Variants in EYA4 observed in about 807,000 individuals in gnomAD.
EYA4 encodes the protein EYA transcriptional coactivator and phosphatase 4.
A neutral mutation model predicts 87.9 loss-of-function variants in EYA4; 31 were observed. The ratio of observed to expected loss-of-function variants is 0.35; its 90% CI spans 0.27 to 0.48. The LOEUF is 0.48. Ranked by LOEUF, EYA4 falls within the 20% of genes least tolerant of loss-of-function variation. The pLI is 0.99. For synonymous variants in EYA4, 263 were observed against 270.6 expected, an observed-to-expected ratio of 0.97 and a Z score of 0.28; for missense variants, 678 against 761.4, an observed-to-expected ratio of 0.89 and a Z score of 1.29.
At chr6:133,525,599 C>A (rs1800573461) in intron 19 of EYA4, among the ~76,000 whole-genome samples, 1 of 151,950 alleles carries the variant, frequency 6.6e-6, no homozygotes, top group South Asian at 2.1e-4. Flanking sequence ...ATACAATGTG[C>A]ACAGATATAG....
intron 2 of EYA4, among the ~76,000 whole-genome samples, chr6:133,310,751 A>T (rs1780151826): frequency 6.6e-6 from 1 of 152,224 alleles, no homozygotes; most frequent in Non-Finnish European, 1.5e-5. Context: ...GAGTTATATG[A>T]TTTAGATGCC....
chr6:133,255,208 T>C (rs1002922577), intron 1 of EYA4, among the ~76,000 whole-genome samples: 10 of 152,194 alleles, frequency 6.6e-5, no homozygotes, highest in Admixed American at 6.5e-4. Context: ...GTATTTGATA[T>C]TCAGAGAAGG....
At chr6:133,496,118 G>T (rs1208044654) in intron 13 of EYA4, among the ~76,000 whole-genome samples, 1 of 152,070 alleles carries the variant, frequency 6.6e-6, no homozygotes, top group East Asian at 1.9e-4. Context: ...ACTGAAATAA[G>T]GTTATTCTGA....
At chr6:133,425,161 A>G (rs914492950) in intron 3 of EYA4, among the ~76,000 whole-genome samples, 25 of 150,672 alleles carry the variant, frequency 1.7e-4, no homozygotes, top group African/African-American at 5.2e-4. Context: ...TTAATCTTTC[A>G]CAGAAGAATA....
At chr6:133,523,763 C>T (rs1354644426) in intron 18 of EYA4, among the ~76,000 whole-genome samples, 1 of 152,044 alleles carries the variant, frequency 6.6e-6, no homozygotes, top group Non-Finnish European at 1.5e-5. Context: ...GTGCATTTCT[C>T]GCAGACTCCA....
intron 7 of EYA4, among the ~76,000 whole-genome samples, chr6:133,461,463 A>G (rs1794376968): frequency 6.6e-6 from 1 of 152,198 alleles, no homozygotes; most frequent in African/African-American, 2.4e-5. Flanking sequence ...CTAAATGTCA[A>G]CACTTCATAA....
At chr6:133,316,737 A>G (rs998463153) in intron 2 of EYA4, among the ~76,000 whole-genome samples, 1 of 152,126 alleles carries the variant, frequency 6.6e-6, no homozygotes, top group Non-Finnish European at 1.5e-5. Flanking sequence ...TCCTCTGAAA[A>G]CACGATTTTG....
At chr6:133,343,512 G>GATA (rs1458290813) in intron 2 of EYA4, among the ~76,000 whole-genome samples, 1 of 151,408 alleles carries the variant, frequency 6.6e-6, no homozygotes, top group African/African-American at 2.4e-5. Context: ...TTCCCTAGCA[G>GATA]ATAGCCTCCC....
chr6:133,405,625 G>A (rs549172780), intron 3 of EYA4, among the ~76,000 whole-genome samples: 1 of 152,214 alleles, frequency 6.6e-6, no homozygotes, highest in South Asian at 2.1e-4. Flanking sequence ...ACAATTTTAG[G>A]TGGGGCTACA....
intron 3 of EYA4, among the ~76,000 whole-genome samples, chr6:133,412,124 A>G (rs543165081): frequency 6.6e-6 from 1 of 152,366 alleles, no homozygotes; most frequent in African/African-American, 2.4e-5. Context: ...ATGCATATCT[A>G]TTAAAAGTTT....
intron 6 of EYA4, 56 bp downstream of exon 6, chr6:133,456,704 C>G (rs556666194): frequency 5.3e-5 from 55 of 1,032,772 alleles, no homozygotes; most frequent in Non-Finnish European, 7.8e-5. Context: ...TCCACATCCT[C>G]CTCCTCGGGA....
At chr6:133,515,241 C>G (rs1016443023) in intron 16 of EYA4, 80 bp from the exon 17 acceptor site, 29 of 790,276 alleles carry the variant, frequency 3.7e-5, no homozygotes, top group Non-Finnish European at 6.7e-5. Context: ...ATGATCTATT[C>G]CAGACAGAAG....
chr6:133,516,576 T>C (rs1799617414), intron 17 of EYA4, among the ~76,000 whole-genome samples: 1 of 150,926 alleles, frequency 6.6e-6, no homozygotes, highest in Non-Finnish European at 1.5e-5. Context: ...AAAACAAAAT[T>C]AGCTGGTCGT....
At chr6:133,248,082 A>G (rs1774565493) in intron 1 of EYA4, 1 of 152,158 alleles carries the variant, frequency 6.6e-6, no homozygotes, top group South Asian at 2.1e-4. Context: ...AAACTGATCA[A>G]AATGTTCCCT....
At chr6:133,343,820 A>G (rs1261062069) in intron 2 of EYA4, among the ~76,000 whole-genome samples, 1 of 152,104 alleles carries the variant, frequency 6.6e-6, no homozygotes, top group Non-Finnish European at 1.5e-5. Flanking sequence ...ACATATTTAC[A>G]TATGTAAAAG....
chr6:133,485,039 CA>C (rs1796569326), intron 13 of EYA4, among the ~76,000 whole-genome samples: 1 of 152,078 alleles, frequency 6.6e-6, no homozygotes, highest in African/African-American at 2.4e-5. Context: ...TTATTTTTGT[CA>C]AAAATACCAT....
At chr6:133,455,527 C>A (rs551538100) in intron 5 of EYA4, among the ~76,000 whole-genome samples, 1 of 152,126 alleles carries the variant, frequency 6.6e-6, no homozygotes, top group Non-Finnish European at 1.5e-5. Context: ...CAATTAATTT[C>A]TTTTCTAACA....
intron 1 of EYA4, among the ~76,000 whole-genome samples, chr6:133,253,773 C>CT (rs1194335513): frequency 6.6e-6 from 1 of 152,046 alleles, no homozygotes; most frequent in Non-Finnish European, 1.5e-5. Flanking sequence ...TACCATAGCA[C>CT]TTTTTTTGGA....
chr6:133,402,366 T>C (rs1385161131), intron 3 of EYA4, among the ~76,000 whole-genome samples: 2 of 152,192 alleles, frequency 1.3e-5, no homozygotes, highest in East Asian at 1.9e-4. Context: ...TATATTATCT[T>C]TATTCTCTAA....
Sources: allele counts gnomAD v4.1 joint callset (sites outside exome capture counted in the v4.1 genomes callset), GRCh38; gene constraint gnomAD v4.1.1; transcripts MANE v1.5; gene names NCBI Gene and HGNC (gene_info 2026-07-23, HGNC 2026-07-21).